The following NCAM2 variants were observed in gnomAD, a reference collection of about 807,000 sequenced individuals.
NCAM2 encodes the protein N-CAM-2.
NCAM2 carries 30 observed loss-of-function variants against 98.1 expected under a neutral mutation model. The observed-to-expected ratio is 0.31, with a 90% CI of 0.23 to 0.41. The LOEUF (loss-of-function observed/expected upper bound fraction) is 0.41, where lower values mean the gene tolerates loss of function less well. Ranked by LOEUF, NCAM2 falls within the 10% of genes least tolerant of loss-of-function variation. The probability of loss-of-function intolerance (pLI) is 1.00; values close to 1 mark genes in which losing one functional copy is unlikely to be tolerated. For synonymous variants in NCAM2, 368 were observed against 342.4 expected, an observed-to-expected ratio of 1.07 and a Z score of -0.83; for missense variants, 867 against 1,005.8, an observed-to-expected ratio of 0.86 and a Z score of 1.87.
chr21:21,355,524 AGGAG>A (rs2075451787), intron 8 of NCAM2, among the ~76,000 whole-genome samples: 1 of 86,088 alleles, frequency 1.2e-5, no homozygotes, highest in Non-Finnish European at 2.7e-5. Context: ...GGAGAGAGGG[AGGAG>A]GGAGGGAGGG....
In NCAM2 at chr21:21,418,579, G is replaced by C; in HGVS notation, c.1480+10G>C. On this transcript the variant is annotated intron_variant, in intron 11 of 17. Transcript: ENST00000400546. ...ATTCTTGCTTTGGCTGGTAAGTATA[G>C]CACAATAATTTTTGAGATCGCACAC... The C allele has an allele frequency of 6.4e-7, 1 of 1,563,430 alleles. No individual in the cohort carries two copies. The highest frequency in any genetic ancestry group is 8.8e-7 in the Non-Finnish European group (1 of 1,135,076).
intron 10 of NCAM2, among the ~76,000 whole-genome samples, chr21:21,416,222 G>T (rs2076991150): frequency 6.6e-6 from 1 of 152,058 alleles, no homozygotes; most frequent in Non-Finnish European, 1.5e-5. Context: ...GAGAGATGAG[G>T]GTACGGCCAG....
At chr21:21,454,318 G>A (rs1180416311) in intron 12 of NCAM2, among the ~76,000 whole-genome samples, 1 of 151,982 alleles carries the variant, frequency 6.6e-6, no homozygotes, top group Non-Finnish European at 1.5e-5. Context: ...TTGGAAGTTT[G>A]TTTTATTCTG....
At chr21:21,074,857 A>G (rs1378701854) in intron 1 of NCAM2, among the ~76,000 whole-genome samples, 1 of 151,798 alleles carries the variant, frequency 6.6e-6, no homozygotes, top group Non-Finnish European at 1.5e-5. Context: ...TGTGTGTGAA[A>G]CTCTTCATCA....
intron 10 of NCAM2, among the ~76,000 whole-genome samples, chr21:21,414,115 A>G (rs1177657398): frequency 1.3e-5 from 2 of 152,298 alleles, no homozygotes; most frequent in East Asian, 3.9e-4. Context: ...TTGCTCCTCC[A>G]TGAAGAGCAA....
chr21:21,438,933 T>C (rs1978814947), intron 12 of NCAM2, among the ~76,000 whole-genome samples: 1 of 151,892 alleles, frequency 6.6e-6, no homozygotes, highest in African/African-American at 2.4e-5. Flanking sequence ...AAAATTGTTT[T>C]TTATTAGTTG....
Position 21,401,576 on chromosome 21 carries a change from C to T in NCAM2, c.1196-8698C>T, listed in dbSNP as rs148673277. On this transcript the variant is annotated intron_variant, in intron 9 of 17. Transcript: ENST00000400546. ...ATTATGCAGTATTTGTGTTTCTGTG[C>T]CTGGTTTATTTCACTTAAGATAACA... Among the ~76,000 whole-genome samples the T allele has an allele frequency of 4.8e-3, 735 of 152,202 alleles. 10 individuals are homozygous for T. The highest frequency in any genetic ancestry group is 0.017 in the African/African-American group (689 of 41,540).
intron 15 of NCAM2, among the ~76,000 whole-genome samples, chr21:21,501,342 T>G (rs1241646163): frequency 4.6e-5 from 7 of 151,980 alleles, no homozygotes; most frequent in Non-Finnish European, 8.8e-5. Context: ...CGCAAAATTT[T>G]GCCATAATGT....
At position 21,540,280 on chromosome 21, in the gene NCAM2, TAC is replaced by T. The variant is rs1251344462; in HGVS notation, c.*2327_*2328del. 8.5e-6 allele frequency: 1 copy of T among 117,816 alleles called. No homozygotes were observed. The highest frequency in any genetic ancestry group is 1.8e-5 in the Non-Finnish European group (1 of 54,488). 7.3% of individuals were successfully genotyped at this position (117,816 alleles called of 1,614,324 possible). On this transcript the variant is annotated 3_prime_UTR_variant, in exon 18 of 18. Coordinates refer to ENST00000400546, the MANE Select transcript of NCAM2 (RefSeq NM_004540.5). ...ATATATATATACACATATATATATATACACATATATATACATATATATATATG... is the reference window on the plus strand; with the variant it reads ...ATATATATATACACATATATATATATACATATATATACATATATATATATG...
At chr21:21,427,577 G>A (rs1475976798) in intron 11 of NCAM2, among the ~76,000 whole-genome samples, 1 of 152,162 alleles carries the variant, frequency 6.6e-6, no homozygotes, top group African/African-American at 2.4e-5. Context: ...AGTTGCCAGG[G>A]GCTGGGGAGT....
At chr21:21,274,291 G>T (rs989332600) in intron 1 of NCAM2, among the ~76,000 whole-genome samples, 1 of 152,076 alleles carries the variant, frequency 6.6e-6, no homozygotes, top group Non-Finnish European at 1.5e-5. Flanking sequence ...ATATAAAGAT[G>T]TATGCAGGTA....
intron 1 of NCAM2, among the ~76,000 whole-genome samples, chr21:21,157,914 A>C (rs2067664260): frequency 6.6e-6 from 1 of 152,150 alleles, no homozygotes; most frequent in African/African-American, 2.4e-5. Flanking sequence ...TATGCTTCTC[A>C]TTCCTCCTAA....
intron 1 of NCAM2, among the ~76,000 whole-genome samples, chr21:21,057,621 T>G (rs1226602106): frequency 6.6e-6 from 1 of 152,098 alleles, no homozygotes; most frequent in Non-Finnish European, 1.5e-5. Context: ...TGCTCATAAC[T>G]TTTCCCCATC....
At chr21:21,350,555 T>C (rs946465385) in intron 8 of NCAM2, among the ~76,000 whole-genome samples, 6 of 152,182 alleles carry the variant, frequency 3.9e-5, no homozygotes, top group Non-Finnish European at 5.9e-5. Flanking sequence ...TTGAGGAAGA[T>C]ATTGAACTGT....
intron 1 of NCAM2, among the ~76,000 whole-genome samples, chr21:21,000,029 A>G (rs2063990315): frequency 6.6e-6 from 1 of 152,230 alleles, no homozygotes; most frequent in African/African-American, 2.4e-5. Context: ...CCTTCCTAAC[A>G]TAGAGTATGA....
chr21:21,050,739 G>A (rs143031956), intron 1 of NCAM2, among the ~76,000 whole-genome samples: 17 of 152,266 alleles, frequency 1.1e-4, no homozygotes, highest in African/African-American at 4.1e-4. Flanking sequence ...CCCGATCTGG[G>A]AAATGAAAAT....
intron 1 of NCAM2, among the ~76,000 whole-genome samples, chr21:21,099,493 G>T (rs1449373312): frequency 6.6e-6 from 1 of 151,872 alleles, no homozygotes; most frequent in Non-Finnish European, 1.5e-5. Flanking sequence ...AGAGAGAAGT[G>T]CTAAGCAAAG....
chr21:21,032,312 A>G (rs1178387499), intron 1 of NCAM2, among the ~76,000 whole-genome samples: 3 of 152,194 alleles, frequency 2.0e-5, no homozygotes, highest in Non-Finnish European at 4.4e-5. Context: ...ATTAAATTGT[A>G]AGTTATGTTT....
intron 1 of NCAM2, among the ~76,000 whole-genome samples, chr21:21,146,753 T>TTTTCCTTG (rs1363436329): frequency 6.6e-6 from 1 of 152,092 alleles, no homozygotes; most frequent in Non-Finnish European, 1.5e-5. Flanking sequence ...GGGTTTTAAA[T>TTTTCCTTG]TTTCCTTGGA....
Sources: gnomAD v4.1 joint callset for allele counts (sites outside exome capture counted in the v4.1 genomes callset) on GRCh38, gnomAD v4.1.1 for gene constraint, MANE v1.5 for transcripts, NCBI Gene and HGNC (gene_info 2026-07-23, HGNC 2026-07-21) for gene names.